The following PPP2R2C variants were observed in gnomAD, a reference collection of about 807,000 sequenced individuals.
PPP2R2C encodes the protein protein phosphatase 2 regulatory subunit Bgamma.
A neutral mutation model predicts 45.3 loss-of-function variants in PPP2R2C; 10 were observed. That is an observed-to-expected ratio of 0.22 (90% CI 0.14 to 0.37). The LOEUF (loss-of-function observed/expected upper bound fraction) is 0.37. PPP2R2C is among the 10% of genes least tolerant of loss of function. The pLI is 1.00. For missense variants in PPP2R2C, 308 were observed against 619.7 expected, an observed-to-expected ratio of 0.50 and a Z score of 5.34; for synonymous variants, 257 against 245.4, an observed-to-expected ratio of 1.05 and a Z score of -0.44.
intron 1 of PPP2R2C, chr4:6,382,166 A>G (rs1304594084): frequency 1.7e-5 from 20 of 1,192,910 alleles, no homozygotes; most frequent in Non-Finnish European, 2.1e-5. Flanking sequence ...CATTTCCAGT[A>G]TGTCTTGGAA....
In PPP2R2C at chr4:6,323,739, C is replaced by CT; in HGVS notation, c.1053-147_1053-146insA. On this transcript the variant is annotated intron_variant, in intron 8 of 8. Coordinates refer to ENST00000382599, the MANE Select transcript of PPP2R2C (RefSeq NM_020416.4). ...TTGCTTCAGCCTAGGAGTTCAAGAC[C>CT]AGCCTGGACAACATAGCGAGACTCC... 6 of 746,202 alleles carry CT rather than the reference C, an allele frequency of 8.0e-6. No individual in the cohort carries two copies. In the African/African-American group the frequency reaches 8.9e-5, roughly 11 times the overall value. The allele number at this position is 746,202 out of a possible 1,614,324, so 46.2% of individuals were successfully genotyped here. A position where few individuals can be genotyped will look rare whatever the true frequency, so the allele number is the denominator to read the frequency against.
intron 1 of PPP2R2C, among the ~76,000 whole-genome samples, chr4:6,559,727 G>A (rs1725516490): frequency 6.6e-6 from 1 of 152,166 alleles, no homozygotes; most frequent in African/African-American, 2.4e-5. Flanking sequence ...CTTCCACCCT[G>A]AGAGGGTACT....
intron 1 of PPP2R2C, chr4:6,383,202 CT>C (rs1715980846): frequency 8.5e-7 from 1 of 1,182,794 alleles, no homozygotes; most frequent in African/African-American, 1.7e-5. Context: ...CCACTGGCCC[CT>C]GAGGGGGAGG....
chr4:6,555,222 C>T (rs969825142), intron 1 of PPP2R2C, among the ~76,000 whole-genome samples: 5 of 152,150 alleles, frequency 3.3e-5, no homozygotes, highest in Admixed American at 1.3e-4. Flanking sequence ...ACCCTCAATA[C>T]TCTGTTGGTG....
At chr4:6,395,907 C>T (rs1412778902) in intron 1 of PPP2R2C, among the ~76,000 whole-genome samples, 4 of 152,182 alleles carry the variant, frequency 2.6e-5, no homozygotes, top group Admixed American at 1.3e-4. Context: ...CTCTGCAGGG[C>T]ATTAAGGCTT....
chr4:6,430,592 G>C (rs999881605), intron 1 of PPP2R2C, among the ~76,000 whole-genome samples: 5 of 152,172 alleles, frequency 3.3e-5, no homozygotes, highest in African/African-American at 1.2e-4. Flanking sequence ...AGCAGAATCA[G>C]GCCAACTTTG....
At chr4:6,396,903 G>A (rs1207911982) in intron 1 of PPP2R2C, among the ~76,000 whole-genome samples, 3 of 152,186 alleles carry the variant, frequency 2.0e-5, no homozygotes, top group African/African-American at 7.2e-5. Flanking sequence ...TCCTAAAAAT[G>A]TAACTATTGA....
chr4:6,534,137 C>T (rs1231543046), intron 2 of PPP2R2C, among the ~76,000 whole-genome samples: 2 of 150,496 alleles, frequency 1.3e-5, no homozygotes, highest in African/African-American at 4.9e-5. Flanking sequence ...CATACACTAA[C>T]ACACACACCA....
At chr4:6,353,114 C>A (rs947851628) in intron 5 of PPP2R2C, among the ~76,000 whole-genome samples, 3 of 152,004 alleles carry the variant, frequency 2.0e-5, no homozygotes, top group Non-Finnish European at 4.4e-5. Context: ...GCCCCCAGGA[C>A]GGTGAGAATA....
intron 5 of PPP2R2C, among the ~76,000 whole-genome samples, chr4:6,365,865 T>C (rs1205133373): frequency 2.0e-5 from 3 of 152,188 alleles, no homozygotes; most frequent in Non-Finnish European, 1.5e-5. Context: ...GTCTTTTAAA[T>C]TCTCTGGGTG....
Position 6,363,946 on chromosome 4 carries a change from G to C in PPP2R2C, c.625+8577C>G, listed in dbSNP as rs1425080212. On this transcript the variant is annotated intron_variant, in intron 5 of 8. Coordinates refer to ENST00000382599, the MANE Select transcript of PPP2R2C (RefSeq NM_020416.4). ...CATCAAGGACTTTCTAAGGAGGCCG[G>C]GGTCCTCCCCACCTTATCCTAACAC... is the stretch of plus-strand genomic sequence containing the variant. Among the ~76,000 whole-genome samples the C allele has an allele frequency of 3.3e-5, 5 of 152,188 alleles. 1 individual carries two copies. The highest frequency in any genetic ancestry group is 2.6e-4 in the Admixed American group (4 of 15,288).
intron 1 of PPP2R2C, among the ~76,000 whole-genome samples, chr4:6,417,527 T>C (rs2109384922): frequency 6.6e-6 from 1 of 152,260 alleles, no homozygotes; most frequent in Non-Finnish European, 1.5e-5. Flanking sequence ...GCTCCCAGGA[T>C]CCCAAAGACA....
intron 2 of PPP2R2C, among the ~76,000 whole-genome samples, chr4:6,524,584 C>T (rs902720033): frequency 6.6e-6 from 1 of 152,232 alleles, no homozygotes; most frequent in African/African-American, 2.4e-5. Flanking sequence ...TGACTGGTTA[C>T]AGCTCAGCCT....
At chr4:6,510,240 AC>A (rs202038625) in intron 2 of PPP2R2C, among the ~76,000 whole-genome samples, 11,490 of 128,518 alleles carry the variant, frequency 0.089, 802 homozygotes, top group African/African-American at 0.22. Context: ...ACCTCCCACC[AC>A]CCCCACCCCT....
chr4:6,393,651 A>G (rs1716808457), intron 1 of PPP2R2C, among the ~76,000 whole-genome samples: 1 of 151,798 alleles, frequency 6.6e-6, no homozygotes, highest in Non-Finnish European at 1.5e-5. Context: ...TCCCATGGGC[A>G]GTGCACAAGG....
At chr4:6,325,912 C>T (rs1019220227) in intron 8 of PPP2R2C, among the ~76,000 whole-genome samples, 1 of 151,550 alleles carries the variant, frequency 6.6e-6, no homozygotes, top group Non-Finnish European at 1.5e-5. Flanking sequence ...CCACCCGTGG[C>T]GCCTGTAATC....
At chr4:6,511,622 T>C (rs1007610250) in intron 2 of PPP2R2C, among the ~76,000 whole-genome samples, 1 of 67,880 alleles carries the variant, frequency 1.5e-5, no homozygotes. Flanking sequence ...GTGGTGATGG[T>C]GGTGGTGGTG....
Position 6,563,482 on chromosome 4 carries a change from CG to C in PPP2R2C, c.-59+77del, listed in dbSNP as rs1725651063. On this transcript the variant is annotated intron_variant, in intron 1 of 9. Transcript: ENST00000506140. This position sits in a 1 kb window ranked among gnomAD's most constrained non-coding sequence, Gnocchi z 5.8. The stretch of plus-strand genomic sequence containing the variant: ...CGTCCCCGGGCAGGGTGAGGTCCTG[CG>C]GGGCTGGGGGTGAGGCGGGGTGGGC... 6.5e-6 allele frequency: 1 copy of C among 152,682 alleles called. No individual in the cohort carries two copies. The highest frequency in any genetic ancestry group is 1.5e-5 in the Non-Finnish European group (1 of 67,994). The allele number at this position is 152,682 out of a possible 1,614,324, so 9.5% of individuals were successfully genotyped here.
At chr4:6,489,803 C>G (rs1722641772) in intron 2 of PPP2R2C, among the ~76,000 whole-genome samples, 1 of 152,116 alleles carries the variant, frequency 6.6e-6, no homozygotes, top group East Asian at 1.9e-4. Context: ...CTTTGCCATA[C>G]CAGGTAGGAC....
Sources: allele counts gnomAD v4.1 joint callset (sites outside exome capture counted in the v4.1 genomes callset), GRCh38; gene constraint gnomAD v4.1.1; non-coding constraint Gnocchi (gnomAD v3.1); transcripts MANE v1.5; gene names NCBI Gene and HGNC (gene_info 2026-07-23, HGNC 2026-07-21).